Variants in FRMD4A observed in about 807,000 individuals in gnomAD.
FRMD4A encodes FERM domain-containing protein 4A.
In FRMD4A, 29 loss-of-function variants were observed where a neutral mutation model predicts 129.1. That is an observed-to-expected ratio of 0.22 (90% CI 0.17 to 0.31). The LOEUF (loss-of-function observed/expected upper bound fraction) is 0.31. Ranked by LOEUF, FRMD4A falls within the 10% of genes least tolerant of loss-of-function variation. FRMD4A has a pLI of 1.00. For missense variants in FRMD4A, 1,272 were observed against 1,375.8 expected (o/e 0.92, Z 1.19); for synonymous variants, 634 against 571.6 (o/e 1.11, Z -1.56).
chr10:14,155,374 G>T (rs1044067170), intron 2 of FRMD4A, among the ~76,000 whole-genome samples: 1 of 152,190 alleles, frequency 6.6e-6, no homozygotes, highest in Non-Finnish European at 1.5e-5. Context: ...AGACAGTACT[G>T]GTAAGAGTCA....
At chr10:13,681,408 G>T (rs183386166) in intron 15 of FRMD4A, among the ~76,000 whole-genome samples, 2 of 152,112 alleles carry the variant, frequency 1.3e-5, no homozygotes, top group African/African-American at 2.4e-5. Context: ...CTTTATTCTA[G>T]GTAGAAGGGC....
chr10:14,118,211 A>G (rs752897069), intron 2 of FRMD4A, among the ~76,000 whole-genome samples: 1 of 152,186 alleles, frequency 6.6e-6, no homozygotes, highest in Non-Finnish European at 1.5e-5. Flanking sequence ...TTTAACAAGC[A>G]CCTTGGAGAT....
At chr10:13,765,121 T>TG (rs1244544082) in intron 6 of FRMD4A, among the ~76,000 whole-genome samples, 19 of 148,942 alleles carry the variant, frequency 1.3e-4, no homozygotes, top group South Asian at 4.4e-4. Flanking sequence ...TTTGTTTTTT[T>TG]TTTTTTTTTT....
At chr10:13,823,416 G>A (rs549270294) in intron 3 of FRMD4A, among the ~76,000 whole-genome samples, 2 of 152,312 alleles carry the variant, frequency 1.3e-5, no homozygotes, top group South Asian at 4.1e-4. Context: ...TTTCGGTAAG[G>A]AGAAAACAGA....
At position 13,884,174 on chromosome 10, in the gene FRMD4A, A is replaced by ACACTCACACACT. The variant is rs769193704; in HGVS notation, c.46-25263_46-25262insAGTGTGTGAGTG. Among the ~76,000 whole-genome samples the ACACTCACACACT allele has an allele frequency of 1.7e-3, 176 of 105,290 alleles. 4 individuals are homozygous for ACACTCACACACT. Among genetic ancestry groups the ACACTCACACACT allele is most frequent in the African/African-American group, 6.0e-3 (169 of 28,116 alleles). 69.1% of individuals were successfully genotyped at this position (105,290 alleles called of 152,430 possible). ...CACACTCTCACACACACACTCACAC[A>ACACTCACACACT]CTCACACACACACACACACACTCAC... On this transcript the variant is annotated intron_variant, in intron 2 of 24. Transcript: ENST00000357447.
chr10:13,853,807 G>C (rs2094172820), intron 3 of FRMD4A, among the ~76,000 whole-genome samples: 1 of 149,180 alleles, frequency 6.7e-6, no homozygotes, highest in South Asian at 2.2e-4. Flanking sequence ...ACTCTAGCCT[G>C]GGCGATAGAG....
intron 2 of FRMD4A, among the ~76,000 whole-genome samples, chr10:13,910,680 TG>T (rs2131224612): frequency 6.6e-6 from 1 of 152,334 alleles, no homozygotes; most frequent in South Asian, 2.1e-4. Flanking sequence ...AAGGATTTGA[TG>T]GGAAAATAAC....
At chr10:13,958,450 A>AT (rs1311219956) in intron 2 of FRMD4A, among the ~76,000 whole-genome samples, 4 of 150,664 alleles carry the variant, frequency 2.7e-5, no homozygotes, top group Admixed American at 1.3e-4. Flanking sequence ...TGCCTGGCTA[A>AT]TTTTTTGTAT....
intron 2 of FRMD4A, among the ~76,000 whole-genome samples, chr10:14,085,726 C>G (rs1983905): frequency 0.41 from 61,912 of 152,140 alleles, 15,289 homozygotes; most frequent in Non-Finnish European, 0.57. Flanking sequence ...GAAACCTCCT[C>G]TCTGTGAAAC....
At chr10:13,868,060 C>A (rs1389598547) in intron 2 of FRMD4A, among the ~76,000 whole-genome samples, 1 of 150,024 alleles carries the variant, frequency 6.7e-6, no homozygotes, top group African/African-American at 2.4e-5. Context: ...TCGAGACCAG[C>A]CTGGGCAACA....
intron 8 of FRMD4A, among the ~76,000 whole-genome samples, chr10:13,750,296 A>G (rs1052540357): frequency 1.3e-5 from 2 of 152,206 alleles, no homozygotes; most frequent in Non-Finnish European, 2.9e-5. Context: ...TAAGGCCAGG[A>G]CAGATCAACT....
chr10:14,025,709 G>T (rs751934351), intron 2 of FRMD4A, among the ~76,000 whole-genome samples: 8 of 152,044 alleles, frequency 5.3e-5, no homozygotes, highest in Non-Finnish European at 1.0e-4. Flanking sequence ...ACAGCTGCCT[G>T]GCCATCATCA....
chr10:13,694,676 C>A (rs2086045770), intron 14 of FRMD4A, among the ~76,000 whole-genome samples: 1 of 151,976 alleles, frequency 6.6e-6, no homozygotes, highest in Non-Finnish European at 1.5e-5. Context: ...TAGCAAGATC[C>A]CATCTATACA....
chr10:13,772,182 ATAAT>A (rs1175098254), intron 6 of FRMD4A, among the ~76,000 whole-genome samples: 1 of 116,644 alleles, frequency 8.6e-6, no homozygotes, highest in Non-Finnish European at 1.9e-5. Context: ...TATATTATAT[ATAAT>A]TATTATATAA....
intron 2 of FRMD4A, among the ~76,000 whole-genome samples, chr10:14,313,542 G>A (rs1323076647): frequency 1.3e-5 from 2 of 152,120 alleles, no homozygotes; most frequent in Non-Finnish European, 1.5e-5. Flanking sequence ...TAATGCTTAC[G>A]AAAGAGACAA....
intron 3 of FRMD4A, among the ~76,000 whole-genome samples, chr10:13,855,105 T>C (rs1317049208): frequency 2.6e-5 from 4 of 152,178 alleles, no homozygotes; most frequent in Admixed American, 6.5e-5. Flanking sequence ...AGATTTCACT[T>C]GGTAATCTCA....
chr10:13,701,295 G>C (rs768581445), intron 14 of FRMD4A, 45 bp downstream of exon 14: 1 of 1,582,456 alleles, frequency 6.3e-7, no homozygotes, highest in South Asian at 1.1e-5. Flanking sequence ...TAAACTAAGA[G>C]AGGCAGACAA....
intron 2 of FRMD4A, among the ~76,000 whole-genome samples, chr10:14,091,597 C>G (rs1327745678): frequency 6.6e-6 from 1 of 152,170 alleles, no homozygotes; most frequent in African/African-American, 2.4e-5. Flanking sequence ...CCATGCCCAG[C>G]TAATTATTTG....
At chr10:13,676,730 A>G (rs191498638) in intron 15 of FRMD4A, among the ~76,000 whole-genome samples, 2 of 152,096 alleles carry the variant, frequency 1.3e-5, no homozygotes, top group African/African-American at 4.8e-5. Context: ...AAAGATGAGC[A>G]AGATCTCCAC....
Sources: allele counts gnomAD v4.1 joint callset (sites outside exome capture counted in the v4.1 genomes callset), GRCh38; gene constraint gnomAD v4.1.1; transcripts MANE v1.5; gene names NCBI Gene and HGNC (gene_info 2026-07-23, HGNC 2026-07-21).